Variants in COL13A1 observed in about 807,000 individuals in gnomAD.
COL13A1 encodes the protein collagen type XIII alpha 1 chain, also known as collagen alpha-1(XIII) chain.
In COL13A1, 89 loss-of-function variants were observed where a neutral mutation model predicts 130.9. The observed-to-expected ratio is 0.68, with a 90% CI of 0.57 to 0.81. COL13A1 has a LOEUF of 0.81. COL13A1 is among the 30% of genes least tolerant of loss of function. COL13A1 has a pLI of 0.00. For synonymous variants in COL13A1, 402 were observed against 341.6 expected, an observed-to-expected ratio of 1.18 and a Z score of -1.95; for missense variants, 879 against 934.6, an observed-to-expected ratio of 0.94 and a Z score of 0.78.
chr10:69,897,027 G>A (rs1277783145), intron 13 of COL13A1, among the ~76,000 whole-genome samples: 2 of 152,222 alleles, frequency 1.3e-5, no homozygotes, highest in East Asian at 1.9e-4. Flanking sequence ...AGTGCTTGGG[G>A]TGGGGTGGGG....
intron 2 of COL13A1, among the ~76,000 whole-genome samples, chr10:69,848,898 C>T (rs7903744): frequency 7.2e-5 from 11 of 152,322 alleles, no homozygotes; most frequent in Admixed American, 3.9e-4. Context: ...GCATAGCCAA[C>T]GGCTGCAGCC....
rs759574742 is a variant in COL13A1, at chr10:69,894,667, C to G, written c.631-8C>G. The G allele has an allele frequency of 1.2e-6, 2 of 1,614,054 alleles. No homozygotes were observed. Among genetic ancestry groups the G allele is most frequent in the Non-Finnish European group, 8.5e-7 (1 of 1,179,898 alleles). Reference sequence around the variant, plus strand: ...GTTTCTAACTCTCTCATCTCCGTCTCTTTGTAGGGACCCCAGGGACAAAAA... The same window carrying G: ...GTTTCTAACTCTCTCATCTCCGTCTGTTTGTAGGGACCCCAGGGACAAAAA... On this transcript the variant is annotated splice_polypyrimidine_tract_variant and splice_region_variant and intron_variant, in intron 11 of 40. Transcript: ENST00000645393.
Position 69,904,948 on chromosome 10 carries a change from C to T in COL13A1, c.874C>T (p.Pro292Ser), listed in dbSNP as rs1473734085. The change falls in exon 16 of 41, where the codon CCT becomes TCT. Residue 292 changes from proline (P) to serine (S), a missense_variant. Pro to Ser is a moderately conservative substitution (Grantham distance 74). Around this residue, in one of 3 missense-constraint regions of COL13A1, gnomAD observed 715 missense variants for 721.0 expected, o/e 0.99. Coordinates refer to ENST00000645393, the MANE Select transcript of COL13A1 (RefSeq NM_001368882.1). ...GCTTCCACAGGGCTTACCTGGGCCTCCTGGACCAAAGGTGAGTGTCCTTCT... is the reference window on the plus strand; with the variant it reads ...GCTTCCACAGGGCTTACCTGGGCCTTCTGGACCAAAGGTGAGTGTCCTTCT... Reference protein sequence around the residue: ...PMGPPGLPGPPGPKGDPGIQG... With the variant: ...PMGPPGLPGPSGPKGDPGIQG... 1.3e-6 allele frequency: 2 copies of T among 1,554,688 alleles called. No homozygotes were observed. Among genetic ancestry groups the T allele is most frequent in the Non-Finnish European group, 1.7e-6 (2 of 1,149,354 alleles).
At chr10:69,902,722 C>T in intron 14 of COL13A1, 26 bp from the exon 15 acceptor site, 1 of 1,538,922 alleles carries the variant, frequency 6.5e-7, no homozygotes, top group South Asian at 1.2e-5. Flanking sequence ...GGCCTTCCCT[C>T]TAACATTCGT....
chr10:69,949,201 C>T (rs537367636), intron 38 of COL13A1, among the ~76,000 whole-genome samples: 4 of 152,214 alleles, frequency 2.6e-5, no homozygotes, highest in African/African-American at 7.2e-5. Flanking sequence ...TTTGTTTCTT[C>T]GAGACAGAGT....
chr10:69,919,933 A>T (rs920554385), intron 21 of COL13A1, among the ~76,000 whole-genome samples: 2 of 152,182 alleles, frequency 1.3e-5, no homozygotes, highest in African/African-American at 4.8e-5. Flanking sequence ...AGCCTTGATT[A>T]CCCAGCAGAA....
At position 69,857,854 on chromosome 10, in the gene COL13A1, G is replaced by A. The variant is rs574304845; in HGVS notation, c.365-9944G>A. On this transcript the variant is annotated intron_variant, in intron 2 of 40. Transcript: ENST00000645393. The stretch of plus-strand genomic sequence containing the variant: ...CCTGGTTGGCTGGGCGCGGTGGCTC[G>A]TGCCTGTAATCCCAGCACTTTGGGA... 2.6e-5 allele frequency among the ~76,000 whole-genome samples: 4 copies of A among 152,228 alleles called. No individual in the cohort carries two copies. The South Asian group carries it at 6.2e-4, about 24-fold the overall frequency.
At chr10:69,938,898 T>G (rs2067273552) in intron 34 of COL13A1, among the ~76,000 whole-genome samples, 1 of 152,188 alleles carries the variant, frequency 6.6e-6, no homozygotes, top group Non-Finnish European at 1.5e-5. Context: ...AGAGCCTTCC[T>G]GCCCCACTCA....
chr10:69,865,199 A>T (rs971000390), intron 2 of COL13A1, among the ~76,000 whole-genome samples: 3 of 152,064 alleles, frequency 2.0e-5, no homozygotes, highest in African/African-American at 7.2e-5. Flanking sequence ...CTCTCTCTCC[A>T]TCTGTACTGT....
At chr10:69,914,900 C>T (rs1015351306) in intron 17 of COL13A1, among the ~76,000 whole-genome samples, 1 of 152,204 alleles carries the variant, frequency 6.6e-6, no homozygotes, top group Admixed American at 6.5e-5. Context: ...GCTGAGCGGC[C>T]CCCACACTCT....
chr10:69,839,772 G>T (rs565955850), intron 2 of COL13A1, among the ~76,000 whole-genome samples: 3 of 152,348 alleles, frequency 2.0e-5, no homozygotes, highest in South Asian at 4.1e-4. Flanking sequence ...GTGTGGCCAG[G>T]TGAAATGAGT....
At chr10:69,929,941 T>G in intron 28 of COL13A1, 102 bp from the exon 29 acceptor site, 1 of 965,648 alleles carries the variant, frequency 1.0e-6, no homozygotes, top group Non-Finnish European at 1.7e-6. Context: ...GCAAACTCTA[T>G]GGGAAAGTGT....
At chr10:69,919,258 C>T (rs1263324340) in intron 20 of COL13A1, among the ~76,000 whole-genome samples, 170 bp downstream of exon 20, 1 of 152,202 alleles carries the variant, frequency 6.6e-6, no homozygotes, top group Non-Finnish European at 1.5e-5. Context: ...AATGCCTCCC[C>T]CTCCCTGGGT....
intron 34 of COL13A1, among the ~76,000 whole-genome samples, chr10:69,939,049 G>T (rs968153933): frequency 2.6e-5 from 4 of 152,308 alleles, no homozygotes; most frequent in Admixed American, 2.6e-4. Context: ...CCAGATGAAA[G>T]ACAAAGTACC....
chr10:69,934,551 A>T (rs567304663), intron 31 of COL13A1, among the ~76,000 whole-genome samples: 1 of 152,308 alleles, frequency 6.6e-6, no homozygotes, highest in African/African-American at 2.4e-5. Context: ...ACCTGAGGAG[A>T]GCCCTGAAGC....
intron 34 of COL13A1, among the ~76,000 whole-genome samples, chr10:69,939,337 G>A (rs1027999896): frequency 1.3e-5 from 2 of 152,182 alleles, no homozygotes; most frequent in African/African-American, 4.8e-5. Flanking sequence ...TAAACATCTG[G>A]TGTTTTATGT....
intron 3 of COL13A1, among the ~76,000 whole-genome samples, chr10:69,868,891 A>C (rs12146165): frequency 6.6e-6 from 1 of 152,132 alleles, no homozygotes; most frequent in Admixed American, 6.5e-5. Flanking sequence ...CCTATCATCC[A>C]TCTTCCAAAA....
rs59942449 is a variant in COL13A1 at position 69,875,213 on chromosome 10, G to A, written c.435+50G>A. 0.21 allele frequency: 335,736 copies of A among 1,609,610 alleles called. 36,518 individuals carry two copies. Among genetic ancestry groups the A allele is most frequent in the African/African-American group, 0.32 (23,742 of 74,830 alleles). The stretch of plus-strand genomic sequence containing the variant: ...TCAGGTGGCCATTGCTTGCTTCTCC[G>A]TGCTGGCCTGTCCTCTAAACCATGG... On this transcript the variant is annotated intron_variant, in intron 5 of 40. Coordinates refer to ENST00000645393, the MANE Select transcript of COL13A1 (RefSeq NM_001368882.1).
chr10:69,802,131 GGA>G lies in COL13A1; in HGVS notation c.-288_-287del, dbSNP rs945510266. On this transcript the variant is annotated 5_prime_UTR_variant, in exon 1 of 41. Coordinates refer to ENST00000645393, the MANE Select transcript of COL13A1 (RefSeq NM_001368882.1). ...AGACACTTGAAGGGAAAGACTGGGC[GGA>G]GAGAAGGAGAGCCGGTCAGATTCCC... The G allele has an allele frequency of 9.6e-5, 35 of 365,658 alleles. No homozygotes were observed. The highest frequency in any genetic ancestry group is 5.6e-4 in the African/African-American group (26 of 46,806). 22.7% of individuals were successfully genotyped at this position (365,658 alleles called of 1,614,324 possible). A position where few individuals can be genotyped will look rare whatever the true frequency, so the allele number is the denominator to read the frequency against.
Sources: allele counts gnomAD v4.1 joint callset (sites outside exome capture counted in the v4.1 genomes callset), GRCh38; gene constraint gnomAD v4.1.1; regional missense constraint gnomAD v4.1.1; transcripts MANE v1.5; gene names NCBI Gene and HGNC (gene_info 2026-07-23, HGNC 2026-07-21).